The following SLC5A2 variants were observed in gnomAD, a reference collection of about 807,000 sequenced individuals.
SLC5A2 encodes sodium/glucose cotransporter 2.
Under a neutral mutation model 69.0 loss-of-function variants are expected in SLC5A2, and 67 were observed. That is an observed-to-expected ratio of 0.97 (90% CI 0.80 to 1.19). The LOEUF (loss-of-function observed/expected upper bound fraction) is 1.19. Among genes scored for constraint, SLC5A2 ranks in the 50% most tolerant of loss-of-function variants. The pLI is 0.00. For missense variants in SLC5A2, 1,001 were observed against 921.5 expected, an observed-to-expected ratio of 1.09 and a Z score of -1.12; for synonymous variants, 455 against 395.8, an observed-to-expected ratio of 1.15 and a Z score of -1.78.
chr16:31,489,282 T>C lies in SLC5A2; in HGVS notation c.1609T>C (p.Ser537Pro), dbSNP rs762553442. ...CTTCGCCATTGTGCTGTTCTTCTGC[T>C]CTGGCCTCCTCACCCTCACGGTCTC... The part of the protein sequence containing the change: ...LYFAIVLFFC[S>P]GLLTLTVSLC... The change falls in exon 12 of 14, where the codon TCT (serine) becomes CCT (proline). Residue 537 changes from serine to proline, a missense_variant. Ser to Pro is a moderately conservative substitution (Grantham distance 74). Transcript: ENST00000330498. 3.7e-6 allele frequency: 6 copies of C among 1,610,770 alleles called. No homozygotes were observed. The highest frequency in any genetic ancestry group is 5.1e-6 in the Non-Finnish European group (6 of 1,180,032).
At chr16:31,489,654 G>C (rs1596622134) in intron 12 of SLC5A2, 1 of 509,816 alleles carries the variant, frequency 2.0e-6, no homozygotes, top group Admixed American at 3.2e-5. Context: ...AAAAAGGTTT[G>C]GTTTTGTTGC....
rs2082506392 is a variant in SLC5A2 at position 31,487,527 on chromosome 16, C to T, written c.656-3C>T. On this transcript the variant is annotated splice_polypyrimidine_tract_variant and splice_region_variant and intron_variant, in intron 6 of 13. Coordinates refer to ENST00000330498, the MANE Select transcript of SLC5A2 (RefSeq NM_003041.4). ...AGGGTCCCCTGACGGCCTTGCCCGG[C>T]AGCCTTCCACGAGGTGGGCGGGTAT... 1.9e-6 allele frequency: 3 copies of T among 1,613,538 alleles called. No individual in the cohort carries two copies. In the African/African-American group the frequency reaches 4.0e-5, roughly 22 times the overall value.
In SLC5A2 at chr16:31,490,395, C is replaced by T. The variant is rs2082553796; in HGVS notation, c.1879C>T (p.Pro627Ser). Reference sequence around the variant, plus strand: ...CAGAGGTGGGGTGGGCAGTCCTCCGCCCCTTACCCAGGAGGAGGCAGCGGC... The same window carrying T: ...CAGAGGTGGGGTGGGCAGTCCTCCGTCCCTTACCCAGGAGGAGGCAGCGGC... ...MSRGGVGSPP[P>S]LTQEEAAAAA... The change falls in exon 14 of 14, where the codon CCC (proline) becomes TCC (serine). Residue 627 changes from proline to serine, a missense_variant. By Grantham distance (74) the Pro-to-Ser change is moderately conservative. Transcript: ENST00000330498. 1 of 1,613,550 alleles carries T rather than the reference C, an allele frequency of 6.2e-7. No homozygotes were observed. The highest frequency in any genetic ancestry group is 2.2e-5 in the East Asian group (1 of 44,872).
At chr16:31,489,482 G>A (rs568015617) in intron 12 of SLC5A2, 144 bp downstream of exon 12, 2 of 735,138 alleles carry the variant, frequency 2.7e-6, no homozygotes, top group Middle Eastern at 3.0e-4. Flanking sequence ...CAATTGCCGA[G>A]CAAGAATTTT....
At position 31,490,296 on chromosome 16, in the gene SLC5A2, CA is replaced by C; in HGVS notation, c.1793-11del. On this transcript the variant is annotated splice_polypyrimidine_tract_variant and intron_variant, in intron 13 of 13. Transcript: ENST00000330498. The stretch of plus-strand genomic sequence containing the variant: ...TTCCCGCAAACTAACTGCAGGGCCT[CA>C]ATTTCCCTCAGAGCCCCAGGCCCCG... 3 of 1,613,054 alleles carry C rather than the reference CA, an allele frequency of 1.9e-6. No homozygotes were observed. Among genetic ancestry groups the C allele is most frequent in the Non-Finnish European group, 2.5e-6 (3 of 1,179,648 alleles).
At chr16:31,483,589 A>C (rs114331069) in intron 1 of SLC5A2, among the ~76,000 whole-genome samples, 1,850 of 152,168 alleles carry the variant, frequency 0.012, 42 homozygotes, top group African/African-American at 0.043. Flanking sequence ...CAAATCCACA[A>C]ATGATAAATC....
rs146854626 is a variant in SLC5A2, at chr16:31,489,006, C to T, written c.1407C>T (p.Ala469=). 4.1e-5 allele frequency: 66 copies of T among 1,600,542 alleles called. No individual in the cohort carries two copies. The Middle Eastern group carries it at 1.2e-3, about 28-fold the overall frequency. Residue 469 remains alanine (A), a synonymous_variant, in exon 11 of 14, where the codon GCC becomes GCT. Transcript: ENST00000330498. The part of the protein sequence containing the change: ...VSSYLAPPVS[A]VFVLALFVPR... ...GCTACCTGGCACCGCCCGTGTCCGC[C>T]GTCTTCGTGCTGGCGCTCTTCGTGC...
In SLC5A2 at chr16:31,488,643, CGGT is replaced by C; in HGVS notation, c.1152_1154del (p.Val385del). ...GCAGGTCTGCGCGGACTCATGCTGG[CGGT>C]CATGCTGGCCGCGCTCATGTCCTCG... On this transcript the variant is annotated inframe_deletion, in exon 10 of 14. Transcript: ENST00000330498. The C allele has an allele frequency of 6.2e-7, 1 of 1,611,344 alleles. No individual in the cohort carries two copies. The highest frequency in any genetic ancestry group is 8.5e-7 in the Non-Finnish European group (1 of 1,179,036).
In SLC5A2 at chr16:31,488,728, C is replaced by T. The variant is rs2082524619; in HGVS notation, c.1236C>T (p.Arg412=). Residue 412 remains arginine, a synonymous_variant, in exon 10 of 14, where the codon CGC becomes CGT. Transcript: ENST00000330498. ...TCTTCACCATGGACATCTACACGCG[C>T]CTGCGGCCACGCGCCGGCGACCGCG... The part of the protein sequence containing the change: ...STLFTMDIYT[R]LRPRAGDREL... 6.2e-7 allele frequency: 1 copy of T among 1,610,828 alleles called. No individual in the cohort carries two copies. Among genetic ancestry groups the T allele is most frequent in the Non-Finnish European group, 8.5e-7 (1 of 1,178,858 alleles).
chr16:31,484,433 A>G (rs1244330743), intron 1 of SLC5A2, among the ~76,000 whole-genome samples: 1 of 144,764 alleles, frequency 6.9e-6, no homozygotes, highest in Non-Finnish European at 1.5e-5. Context: ...AAAAATGAGA[A>G]AAAAAAAAAA....
intron 3 of SLC5A2, 103 bp from the exon 4 acceptor site, chr16:31,485,626 G>T: frequency 6.8e-7 from 1 of 1,463,514 alleles, no homozygotes; most frequent in Non-Finnish European, 9.4e-7. Flanking sequence ...CCCAGATGTG[G>T]CCCTTCCCAG....
rs536737287 is a variant in SLC5A2, at chr16:31,485,096, G to A, written c.303+173G>A. 1.2e-4 allele frequency: 86 copies of A among 717,600 alleles called. No individual in the cohort carries two copies. The African/African-American group carries it at 1.3e-3, about 11-fold the overall frequency. The allele number at this position is 717,600 out of a possible 1,614,324, so 44.5% of individuals were successfully genotyped here. On this transcript the variant is annotated intron_variant, in intron 3 of 13. Coordinates refer to ENST00000330498, the MANE Select transcript of SLC5A2 (RefSeq NM_003041.4). ...ACATCTAGCCAGGAAGCAGAGGGGT[G>A]CAGGGGTGACCACTGTTGGTCCTGC... is the stretch of plus-strand genomic sequence containing the variant.
At chr16:31,484,099 G>A (rs1229867355) in intron 1 of SLC5A2, among the ~76,000 whole-genome samples, 1 of 151,882 alleles carries the variant, frequency 6.6e-6, no homozygotes, top group Non-Finnish European at 1.5e-5. Flanking sequence ...TAAAAAGAAA[G>A]ACAGATGTGG....
rs539749063 is a variant in SLC5A2 at position 31,489,221 on chromosome 16, G to A, written c.1548G>A (p.Ala516=). The A allele has an allele frequency of 4.4e-4, 713 of 1,610,368 alleles. 10 individuals are homozygous for A. The South Asian group carries it at 7.3e-3, about 16-fold the overall frequency. ...FGSGSCVQPS[A]CPAFLCGVHY... The stretch of plus-strand genomic sequence containing the variant: ...CGGGCAGCTGTGTGCAGCCCTCGGC[G>A]TGCCCAGCTTTCCTCTGCGGCGTGC... Residue 516 remains alanine, a synonymous_variant, in exon 12 of 14, where the codon GCG becomes GCA. Coordinates refer to ENST00000330498, the MANE Select transcript of SLC5A2 (RefSeq NM_003041.4).
At chr16:31,487,846 G>C (rs376383139) in intron 7 of SLC5A2, 87 bp downstream of exon 7, 3 of 1,443,176 alleles carry the variant, frequency 2.1e-6, no homozygotes, top group Admixed American at 2.0e-5. Context: ...TCCCCACAAC[G>C]GTCTAAGGCG....
Position 31,490,609 on chromosome 16 carries a change from A to C in SLC5A2, c.*74A>C. On this transcript the variant is annotated 3_prime_UTR_variant, in exon 14 of 14. Coordinates refer to ENST00000330498, the MANE Select transcript of SLC5A2 (RefSeq NM_003041.4). ...GTGAGGAGCCTGCGGTGCTCCCCAG[A>C]AAAGGGGAAGGGGCAGTGGGGTGAG... is the stretch of plus-strand genomic sequence containing the variant. 1 of 1,330,178 alleles carries C rather than the reference A, an allele frequency of 7.5e-7. No individual in the cohort carries two copies. Among genetic ancestry groups the C allele is most frequent in the South Asian group, 1.2e-5 (1 of 81,136 alleles). The allele number at this position is 1,330,178 out of a possible 1,614,324, so 82.4% of individuals were successfully genotyped here. A position where few individuals can be genotyped will look rare whatever the true frequency, so the allele number is the denominator to read the frequency against.
At chr16:31,488,558 C>G in intron 9 of SLC5A2, 64 bp from the exon 10 acceptor site, 2 of 1,604,748 alleles carry the variant, frequency 1.2e-6, no homozygotes, top group Non-Finnish European at 1.7e-6. Flanking sequence ...GGTCGTCCCT[C>G]GCGCAGCTGC....
In SLC5A2 at chr16:31,490,242, T is replaced by C. The variant is rs886051963; in HGVS notation, c.1792+12T>C. Reference sequence around the variant, plus strand: ...CATGGAGATGAATGGTAGGGCACCATGCTGGGAGGTGGGGCTGGAGGAGCT... The same window carrying C: ...CATGGAGATGAATGGTAGGGCACCACGCTGGGAGGTGGGGCTGGAGGAGCT... On this transcript the variant is annotated intron_variant, in intron 13 of 13. Transcript: ENST00000330498. 6 of 1,613,960 alleles carry C rather than the reference T, an allele frequency of 3.7e-6. No individual in the cohort carries two copies. Among genetic ancestry groups the C allele is most frequent in the Middle Eastern group, 1.6e-4 (1 of 6,084 alleles).
intron 7 of SLC5A2, 31 bp downstream of exon 7, chr16:31,487,790 G>A: frequency 6.3e-7 from 1 of 1,577,730 alleles, no homozygotes. Flanking sequence ...CTGCAGTGAG[G>A]CCGGGGCGGA....
Sources: allele counts gnomAD v4.1 joint callset (sites outside exome capture counted in the v4.1 genomes callset), GRCh38; gene constraint gnomAD v4.1.1; transcripts MANE v1.5; gene names NCBI Gene and HGNC (gene_info 2026-07-23, HGNC 2026-07-21).